The following CRY2 variants were observed in gnomAD, a reference collection of about 807,000 sequenced individuals.
CRY2 encodes the protein cryptochrome circadian regulator 2.
CRY2 carries 31 observed loss-of-function variants against 69.5 expected under a neutral mutation model. The observed-to-expected ratio is 0.45, with a 90% CI of 0.34 to 0.60. CRY2 has a LOEUF of 0.60. Among genes scored for constraint, CRY2 ranks in the 20% least tolerant of loss-of-function variants. The pLI, the probability that CRY2 is intolerant of heterozygous loss-of-function variation, is 0.02. For missense variants in CRY2, 606 were observed against 797.8 expected, an observed-to-expected ratio of 0.76 and a Z score of 2.90; for synonymous variants, 303 against 312.2, an observed-to-expected ratio of 0.97 and a Z score of 0.31.
chr11:45,867,558 T>A (rs2086340769), intron 5 of CRY2, 54 bp from the exon 6 acceptor site: 3 of 1,606,396 alleles, frequency 1.9e-6, no homozygotes, highest in Non-Finnish European at 2.6e-6. Flanking sequence ...GCCTCCATTT[T>A]TTCCTCTGTT....
chr11:45,858,872 A>G lies in CRY2; in HGVS notation c.466A>G (p.Arg156Gly). The G allele has an allele frequency of 6.2e-7, 1 of 1,612,640 alleles. No individual in the cohort carries two copies. Among genetic ancestry groups the G allele is most frequent in the Non-Finnish European group, 8.5e-7 (1 of 1,179,452 alleles). Residue 156 changes from arginine (R) to glycine (G), a missense_variant and splice_region_variant, in exon 3 of 12, where the codon AGG becomes GGG. Arg to Gly is a moderately radical substitution (Grantham distance 125). Coordinates refer to ENST00000616080, the MANE Select transcript of CRY2 (RefSeq NM_021117.5). ...ENSHTLYDLD[R>G]IIELNGQKPP... Reference sequence around the variant, plus strand: ...TTCTCATACCCTCTATGACCTGGACAGGTAAGAGATGGGGCCCAGGGATCA... The same window carrying G: ...TTCTCATACCCTCTATGACCTGGACGGGTAAGAGATGGGGCCCAGGGATCA...
intron 11 of CRY2, among the ~76,000 whole-genome samples, chr11:45,874,897 C>T (rs189921432): frequency 3.9e-5 from 6 of 152,244 alleles, no homozygotes; most frequent in Middle Eastern, 3.4e-3. Flanking sequence ...GAGCCAAGAT[C>T]GTACCACTGC....
rs2086387708 is a variant in CRY2 at position 45,872,075 on chromosome 11, G to C, written c.1643-17G>C. The C allele has an allele frequency of 2.3e-5, 37 of 1,613,536 alleles. No individual in the cohort carries two copies. Among genetic ancestry groups the C allele is most frequent in the Non-Finnish European group, 3.0e-5 (35 of 1,179,734 alleles). ...GCATGCACAGTCTGTGTGACCCTTTGACACGCTTCCCTACAGGCCCAAGAC... is the reference window on the plus strand; with the variant it reads ...GCATGCACAGTCTGTGTGACCCTTTCACACGCTTCCCTACAGGCCCAAGAC... On this transcript the variant is annotated splice_polypyrimidine_tract_variant and intron_variant, in intron 10 of 11. Coordinates refer to ENST00000616080, the MANE Select transcript of CRY2 (RefSeq NM_021117.5).
intron 4 of CRY2, 126 bp downstream of exon 4, chr11:45,861,158 C>A: frequency 9.5e-7 from 1 of 1,056,758 alleles, no homozygotes; most frequent in Non-Finnish European, 1.3e-6. Flanking sequence ...ATGGAAATGG[C>A]AGTCACTATT....
intron 11 of CRY2, among the ~76,000 whole-genome samples, chr11:45,872,803 C>T (rs1362738002): frequency 1.3e-5 from 2 of 152,122 alleles, no homozygotes; most frequent in Admixed American, 1.3e-4. Context: ...CTGAGACCTG[C>T]GTGTGAAGCA....
At chr11:45,868,480 G>A (rs2086349431) in intron 6 of CRY2, among the ~76,000 whole-genome samples, 1 of 151,852 alleles carries the variant, frequency 6.6e-6, no homozygotes, top group Non-Finnish European at 1.5e-5. Context: ...CTCAAGTAGA[G>A]CTAATTTTTT....
chr11:45,870,973 C>A (rs1440470358), intron 10 of CRY2, 39 bp downstream of exon 10: 1 of 1,534,748 alleles, frequency 6.5e-7, no homozygotes, highest in Non-Finnish European at 8.9e-7. Context: ...CCTCCTGTGG[C>A]CTGTGCCACC....
chr11:45,857,774 T>C lies in CRY2; in HGVS notation c.325-957T>C, dbSNP rs146657025. Among the ~76,000 whole-genome samples, 171 of 152,368 alleles carry C rather than the reference T, an allele frequency of 1.1e-3. 1 individual carries two copies. Among genetic ancestry groups the C allele is most frequent in the African/African-American group, 3.9e-3 (163 of 41,584 alleles). On this transcript the variant is annotated intron_variant, in intron 2 of 11. Transcript: ENST00000616080. ...ACAGGTTACAATGAGTATTCAGTGATGTAACCTATATGAACTATAAGCATG... is the reference window on the plus strand; with the variant it reads ...ACAGGTTACAATGAGTATTCAGTGACGTAACCTATATGAACTATAAGCATG...
At chr11:45,867,993 C>G in intron 6 of CRY2, 1 of 519,596 alleles carries the variant, frequency 1.9e-6, no homozygotes, top group Non-Finnish European at 3.4e-6. Context: ...AGCAGAAGGA[C>G]AGGCAGAAAA....
chr11:45,850,853 T>G (rs2086194830), intron 1 of CRY2, among the ~76,000 whole-genome samples: 1 of 152,068 alleles, frequency 6.6e-6, no homozygotes, highest in South Asian at 2.1e-4. Flanking sequence ...CACACAATGT[T>G]TTTCTGCAGA....
At chr11:45,865,254 T>G (rs1427819366) in intron 5 of CRY2, among the ~76,000 whole-genome samples, 1 of 151,726 alleles carries the variant, frequency 6.6e-6, no homozygotes, top group Non-Finnish European at 1.5e-5. Context: ...AAAGCTGAGG[T>G]AGGGGTTGCA....
At chr11:45,851,202 T>A (rs1385638186) in intron 1 of CRY2, among the ~76,000 whole-genome samples, 2 of 152,196 alleles carry the variant, frequency 1.3e-5, no homozygotes, top group African/African-American at 4.8e-5. Context: ...TTTCATTACC[T>A]TTCTCTCCCC....
chr11:45,871,996 G>A (rs1201320098), intron 10 of CRY2, 96 bp from the exon 11 acceptor site: 4 of 1,502,430 alleles, frequency 2.7e-6, no homozygotes, highest in Admixed American at 1.9e-5. Flanking sequence ...ATTGATAAGT[G>A]TGCTCCCTGT....
intron 6 of CRY2, 107 bp downstream of exon 6, chr11:45,867,859 G>C (rs2086343968): frequency 6.9e-7 from 1 of 1,456,776 alleles, no homozygotes; most frequent in Admixed American, 1.9e-5. Flanking sequence ...TTGGGCTATG[G>C]CCCCTGGAAG....
intron 1 of CRY2, among the ~76,000 whole-genome samples, chr11:45,849,424 T>C (rs1251241496): frequency 6.6e-6 from 1 of 152,168 alleles, no homozygotes; most frequent in East Asian, 1.9e-4. Flanking sequence ...CAGCAGTGAA[T>C]AAGCAGATGT....
In CRY2 at chr11:45,870,049, C is replaced by G; in HGVS notation, c.1195-4C>G. ...GGAGGCTGATCATCCCCTCCCCTAT[C>G]TAGGTATTTGATGAGCTGCTCCTGG... On this transcript the variant is annotated splice_polypyrimidine_tract_variant and splice_region_variant and intron_variant, in intron 7 of 11. Coordinates refer to ENST00000616080, the MANE Select transcript of CRY2 (RefSeq NM_021117.5). 1 of 1,593,872 alleles carries G rather than the reference C, an allele frequency of 6.3e-7. No individual in the cohort carries two copies. The highest frequency in any genetic ancestry group is 8.6e-7 in the Non-Finnish European group (1 of 1,168,416).
intron 2 of CRY2, 66 bp from the exon 3 acceptor site, chr11:45,858,665 C>G (rs1383070573): frequency 2.0e-6 from 3 of 1,531,724 alleles, no homozygotes; most frequent in Non-Finnish European, 2.6e-6. Flanking sequence ...CAGGAAGGAA[C>G]TGAGAGTCCA....
Position 45,870,538 on chromosome 11 carries a change from G to C in CRY2, c.1549+6G>C. ...TTCGCGCTACCGGGGACTCTGTAAG[G>C]AGACAAACACCTAGCTCACTGAAGG... On this transcript the variant is annotated splice_donor_region_variant and intron_variant, in intron 9 of 11. Transcript: ENST00000616080. 6.2e-7 allele frequency: 1 copy of C among 1,613,762 alleles called. No individual in the cohort carries two copies. Among genetic ancestry groups the C allele is most frequent in the South Asian group, 1.1e-5 (1 of 91,018 alleles).
chr11:45,855,881 C>A, intron 1 of CRY2, 101 bp from the exon 2 acceptor site: 1 of 999,814 alleles, frequency 1.0e-6, no homozygotes, highest in South Asian at 1.3e-5. Context: ...ATGAGGCTGC[C>A]TGTTGGGCAT....
Sources: allele counts gnomAD v4.1 joint callset (sites outside exome capture counted in the v4.1 genomes callset), GRCh38; gene constraint gnomAD v4.1.1; transcripts MANE v1.5; gene names NCBI Gene and HGNC (gene_info 2026-07-23, HGNC 2026-07-21).